Variants in EIF4G1 observed in about 807,000 individuals in gnomAD.
EIF4G1 encodes the protein eukaryotic translation initiation factor 4 gamma 1.
EIF4G1 carries 4 observed loss-of-function variants against 187.8 expected under a neutral mutation model. The observed-to-expected ratio is 0.02, with a 90% CI of 0.01 to 0.05. The LOEUF (loss-of-function observed/expected upper bound fraction) is 0.05, where lower values mean the gene tolerates loss of function less well. EIF4G1 is among the 10% of genes least tolerant of loss of function. The probability of loss-of-function intolerance (pLI) is 1.00; values close to 1 mark genes in which losing one functional copy is unlikely to be tolerated. For synonymous variants in EIF4G1, 844 were observed against 781.4 expected (o/e 1.08, Z -1.34); for missense variants, 1,647 against 2,081.1 (o/e 0.79, Z 4.06).
Position 184,331,358 on chromosome 3 carries a change from T to C in EIF4G1, c.4254T>C (p.Ala1418=). The change falls in exon 29 of 33, where the codon GCT becomes GCC. Residue 1418 remains alanine, a synonymous_variant. Coordinates refer to ENST00000346169, the MANE Select transcript of EIF4G1 (RefSeq NM_198241.3). ...GCCAGGACATTGGTGCATTCGTCGC[T>C]GAACAGGTTTGGGGATGGAGTTGGG... is the stretch of plus-strand genomic sequence containing the variant. ...PEGQDIGAFV[A]EQKVEYTLGE... The C allele has an allele frequency of 1.2e-6, 2 of 1,614,234 alleles. No individual in the cohort carries two copies. Among genetic ancestry groups the C allele is most frequent in the Non-Finnish European group, 1.7e-6 (2 of 1,180,042 alleles).
At position 184,334,489 on chromosome 3, in the gene EIF4G1, A is replaced by G. The variant is rs1726763129; in HGVS notation, c.4619-238A>G. Among the ~76,000 whole-genome samples the G allele has an allele frequency of 1.3e-5, 2 of 152,214 alleles. No individual in the cohort carries two copies. Among genetic ancestry groups the G allele is most frequent in the South Asian group, 4.1e-4 (2 of 4,834 alleles). On this transcript the variant is annotated intron_variant, in intron 32 of 32. Coordinates refer to ENST00000346169, the MANE Select transcript of EIF4G1 (RefSeq NM_198241.3). This position sits in a 1 kb window ranked among gnomAD's most constrained non-coding sequence, Gnocchi z 5.8. Reference sequence around the variant, plus strand: ...TGGGCAGAGAGGTTTCAGGCTGCCAAGGTGAGGCCAAGCAAGTTTGTAAGG... The same window carrying G: ...TGGGCAGAGAGGTTTCAGGCTGCCAGGGTGAGGCCAAGCAAGTTTGTAAGG...
rs528247251 is a variant in EIF4G1 at position 184,327,772 on chromosome 3, T to C, written c.3781-58T>C. 1.5e-5 allele frequency: 24 copies of C among 1,613,702 alleles called. No individual in the cohort carries two copies. In the African/African-American group the frequency reaches 2.4e-4, roughly 16 times the overall value. On this transcript the variant is annotated intron_variant, in intron 25 of 32. Transcript: ENST00000346169. Reference sequence around the variant, plus strand: ...GGGATCATGCTGGCAGGCATAGGGGTCCGGGGTCTGGGTCAGACAGTGACT... The same window carrying C: ...GGGATCATGCTGGCAGGCATAGGGGCCCGGGGTCTGGGTCAGACAGTGACT...
chr3:184,319,641 T>C, intron 6 of EIF4G1, 48 bp from the exon 7 acceptor site: 1 of 1,234,092 alleles, frequency 8.1e-7, no homozygotes, highest in East Asian at 2.5e-5. Context: ...TAGTATATGG[T>C]TGGGCCCTGA....
In EIF4G1 at chr3:184,315,744, C is replaced by A; in HGVS notation, c.-34-19C>A. On this transcript the variant is annotated intron_variant, in intron 2 of 32. Transcript: ENST00000346169. ...GCTTGGGTCCCTTCCTCTTCCTGAG[C>A]GCCACTCTTTCCCAACAGGTGCTGG... The A allele has an allele frequency of 6.5e-7, 1 of 1,536,922 alleles. No individual in the cohort carries two copies. The highest frequency in any genetic ancestry group is 1.4e-5 in the African/African-American group (1 of 72,738).
Position 184,322,833 on chromosome 3 carries a change from C to T in EIF4G1, c.1808C>T (p.Pro603Leu). 2 of 1,614,198 alleles carry T rather than the reference C, an allele frequency of 1.2e-6. No homozygotes were observed. The highest frequency in any genetic ancestry group is 2.2e-5 in the East Asian group (1 of 44,890). Residue 603 changes from proline to leucine, a missense_variant, in exon 13 of 33, where the codon CCT (proline) becomes CTT (leucine). Transcript: ENST00000346169. Reference sequence around the variant, plus strand: ...GTTTTCCTTGCAGATCAGTGGAAGCCTCTAAACCTAGAGGAGAAAAAACGT... The same window carrying T: ...GTTTTCCTTGCAGATCAGTGGAAGCTTCTAAACCTAGAGGAGAAAAAACGT... Reference protein sequence around the residue: ...KYEYKSDQWKPLNLEEKKRYD... With the variant: ...KYEYKSDQWKLLNLEEKKRYD...
chr3:184,320,237 A>G, intron 7 of EIF4G1: 2 of 1,209,262 alleles, frequency 1.7e-6, no homozygotes, highest in Non-Finnish European at 2.1e-6. Flanking sequence ...CCGCTGAGTC[A>G]CCCTGGCTCC....
intron 17 of EIF4G1, 53 bp downstream of exon 17, chr3:184,324,400 C>G: frequency 6.2e-7 from 1 of 1,612,176 alleles, no homozygotes; most frequent in Non-Finnish European, 8.5e-7. Flanking sequence ...CTTCCCTTAC[C>G]CAGATGCTAC....
chr3:184,316,660 C>A (rs936531775), intron 4 of EIF4G1: 82 of 1,548,562 alleles, frequency 5.3e-5, no homozygotes, highest in Non-Finnish European at 6.8e-5. Context: ...TTCCCTCCCC[C>A]CGCCATCACC....
chr3:184,319,194 C>G (rs907812498), intron 6 of EIF4G1: 5 of 154,696 alleles, frequency 3.2e-5, no homozygotes, highest in Admixed American at 6.4e-5. Context: ...TTCTTTGCCC[C>G]TTTGTAAAGG....
At position 184,323,938 on chromosome 3, in the gene EIF4G1, C is replaced by G. The variant is rs1474293525; in HGVS notation, c.2433C>G (p.Phe811Leu). ...AGAAGGCCATTTCAGAGCCCAACTT[C>G]TCTGTGGCCTATGCCAACATGTGCC... ...IFEKAISEPNFSVAYANMCRC... is the reference protein window; with the variant it reads ...IFEKAISEPNLSVAYANMCRC... The change falls in exon 16 of 33, where the codon TTC (phenylalanine) becomes TTG (leucine). Residue 811 changes from phenylalanine to leucine, a missense_variant. Physicochemically the swap from Phe to Leu is conservative, Grantham distance 22 (BLOSUM62 0). Around this residue, in one of 11 missense-constraint regions of EIF4G1, gnomAD observed 36 missense variants for 87.6 expected, o/e 0.41. Transcript: ENST00000346169. The surrounding 1 kb of genome is among the most constrained non-coding windows in gnomAD (Gnocchi z 6.9). The G allele has an allele frequency of 6.2e-7, 1 of 1,614,010 alleles. No homozygotes were observed. Among genetic ancestry groups the G allele is most frequent in the Non-Finnish European group, 8.5e-7 (1 of 1,180,046 alleles).
intron 6 of EIF4G1, among the ~76,000 whole-genome samples, chr3:184,318,407 A>T (rs956056666): frequency 5.3e-5 from 8 of 152,148 alleles, no homozygotes; most frequent in African/African-American, 1.9e-4. Flanking sequence ...GCTTAAGGCC[A>T]GGAGTTTGAG....
chr3:184,331,528 C>A lies in EIF4G1; in HGVS notation c.4317C>A (p.Pro1439=), dbSNP rs770348389. 1 of 1,614,120 alleles carries A rather than the reference C, an allele frequency of 6.2e-7. No homozygotes were observed. The highest frequency in any genetic ancestry group is 8.5e-7 in the Non-Finnish European group (1 of 1,180,040). The change falls in exon 30 of 33, where the codon CCC becomes CCA. Residue 1439 remains proline (P), a synonymous_variant. Transcript: ENST00000346169. ...ESEAPGQRAL[P]SEELNRQLEK... ...AAGCCCCTGGCCAGAGGGCACTCCC[C>A]TCCGAGGAGCTGAACAGGCAGCTGG... is the stretch of plus-strand genomic sequence containing the variant.
rs1726855358 is a variant in EIF4G1 at position 184,334,968 on chromosome 3, C to T, written c.*60C>T. ...ACACACAGATGGCCCGGCTAGCCGC[C>T]TGGACTGCAGGGGGGCGGCAGCAGC... On this transcript the variant is annotated 3_prime_UTR_variant, in exon 33 of 33. Coordinates refer to ENST00000346169, the MANE Select transcript of EIF4G1 (RefSeq NM_198241.3). This position sits in a 1 kb window ranked among gnomAD's most constrained non-coding sequence, Gnocchi z 5.8. The T allele has an allele frequency of 6.2e-7, 1 of 1,607,122 alleles. No homozygotes were observed. Among genetic ancestry groups the T allele is most frequent in the Non-Finnish European group, 8.5e-7 (1 of 1,177,102 alleles).
intron 6 of EIF4G1, chr3:184,319,348 T>A: frequency 2.8e-6 from 1 of 357,692 alleles, no homozygotes; most frequent in Non-Finnish European, 5.4e-6. Flanking sequence ...CACACGAGAG[T>A]AACTTGTACG....
Position 184,332,001 on chromosome 3 carries a change from G to A in EIF4G1, c.4533G>A (p.Leu1511=), listed in dbSNP as rs777040246. Residue 1511 remains leucine, a synonymous_variant, in exon 32 of 33, where the codon CTG becomes CTA. Transcript: ENST00000346169. ...VAVLKARAKL[L]QKYLCDEQKE... The stretch of plus-strand genomic sequence containing the variant: ...TGCTGAAAGCGCGAGCGAAGCTGCT[G>A]CAGAAATACCTGTGTGACGAGCAGA... 6.2e-6 allele frequency: 10 copies of A among 1,614,226 alleles called. No individual in the cohort carries two copies. The highest frequency in any genetic ancestry group is 5.0e-5 in the Admixed American group (3 of 60,026).
At chr3:184,318,843 G>C (rs946256606) in intron 6 of EIF4G1, among the ~76,000 whole-genome samples, 19 of 151,880 alleles carry the variant, frequency 1.3e-4, no homozygotes, top group Admixed American at 7.2e-4. Context: ...GGCCTCAAGT[G>C]ATCCACCTGC....
In EIF4G1 at chr3:184,323,765, C is replaced by G. The variant is rs377405011; in HGVS notation, c.2275-15C>G. ...CTGAGACCCTCACTGGAACTCTTGT[C>G]TCTTCTCCCTCCAGGACCTATTCCG... On this transcript the variant is annotated splice_polypyrimidine_tract_variant and intron_variant, in intron 15 of 32. Coordinates refer to ENST00000346169, the MANE Select transcript of EIF4G1 (RefSeq NM_198241.3). This position sits in a 1 kb window ranked among gnomAD's most constrained non-coding sequence, Gnocchi z 6.9. 1 of 1,613,170 alleles carries G rather than the reference C, an allele frequency of 6.2e-7. No homozygotes were observed. Among genetic ancestry groups the G allele is most frequent in the Non-Finnish European group, 8.5e-7 (1 of 1,180,052 alleles).
chr3:184,316,615 A>G, intron 4 of EIF4G1: 1 of 1,173,780 alleles, frequency 8.5e-7, no homozygotes, highest in Non-Finnish European at 1.2e-6. Flanking sequence ...TTCCTTACTA[A>G]GTGGGAGGAT....
intron 2 of EIF4G1, 25 bp downstream of exon 2, chr3:184,315,570 G>A: frequency 1.3e-6 from 1 of 764,014 alleles, no homozygotes; most frequent in South Asian, 1.4e-5. Flanking sequence ...TGTTTCAGTA[G>A]GTCAGGGGTT....
Sources: allele counts gnomAD v4.1 joint callset (sites outside exome capture counted in the v4.1 genomes callset), GRCh38; gene constraint gnomAD v4.1.1; regional missense constraint gnomAD v4.1.1; non-coding constraint Gnocchi (gnomAD v3.1); transcripts MANE v1.5; gene names NCBI Gene and HGNC (gene_info 2026-07-23, HGNC 2026-07-21).